The following DYRK1A variants were observed in gnomAD, a reference collection of about 807,000 sequenced individuals.
DYRK1A encodes dual specificity tyrosine-phosphorylation-regulated kinase 1A.
DYRK1A carries 9 observed loss-of-function variants against 79.7 expected under a neutral mutation model. The observed-to-expected ratio is 0.11, with a 90% CI of 0.07 to 0.20. The LOEUF (loss-of-function observed/expected upper bound fraction) is 0.20. Ranked by LOEUF, DYRK1A falls within the 10% of genes least tolerant of loss-of-function variation. The pLI, the probability that DYRK1A is intolerant of heterozygous loss-of-function variation, is 1.00. For synonymous variants in DYRK1A, 349 were observed against 329.7 expected (o/e 1.06, Z -0.63); for missense variants, 622 against 956.0 (o/e 0.65, Z 4.61).
Position 37,512,634 on chromosome 21 carries a change from C to G in DYRK1A, c.*103C>G. On this transcript the variant is annotated 3_prime_UTR_variant, in exon 12 of 12. Coordinates refer to ENST00000647188, the MANE Select transcript of DYRK1A (RefSeq NM_001347721.2). The stretch of plus-strand genomic sequence containing the variant: ...TGCTTGAATCAGGAGGAGATTAACA[C>G]ACTGAACCGCTACAAGAGGGCAAAG... 7.4e-7 allele frequency: 1 copy of G among 1,346,612 alleles called. No homozygotes were observed. The highest frequency in any genetic ancestry group is 1.4e-5 in the South Asian group (1 of 70,670). 83.4% of individuals were successfully genotyped at this position (1,346,612 alleles called of 1,614,324 possible). A position where few individuals can be genotyped will look rare whatever the true frequency, so the allele number is the denominator to read the frequency against.
intron 1 of DYRK1A, chr21:37,368,059 C>G (rs1402995605): frequency 6.5e-6 from 1 of 152,794 alleles, no homozygotes; most frequent in African/African-American, 2.4e-5. Flanking sequence ...GGACAATGCA[C>G]GGGTTAAGAA....
Position 37,512,033 on chromosome 21 carries a change from G to GCAT in DYRK1A, c.1773_1775dup (p.His593dup). On this transcript the variant is annotated inframe_insertion, in exon 12 of 12. Transcript: ENST00000647188. ...ATGTAGCCCCTCAACAGAATGCATT[G>GCAT]CATCATCACCATGGTAACAGTTCCC... The GCAT allele has an allele frequency of 1.2e-6, 2 of 1,613,998 alleles. No individual in the cohort carries two copies. Among genetic ancestry groups the GCAT allele is most frequent in the Non-Finnish European group, 1.7e-6 (2 of 1,179,986 alleles).
intron 2 of DYRK1A, among the ~76,000 whole-genome samples, chr21:37,463,284 A>C (rs1307329305): frequency 6.6e-6 from 1 of 151,292 alleles, no homozygotes; most frequent in Non-Finnish European, 1.5e-5. Flanking sequence ...AAAGCAGTTC[A>C]TTTGTTCTTA....
At chr21:37,400,640 A>G (rs986643289) in intron 1 of DYRK1A, among the ~76,000 whole-genome samples, 9 of 152,138 alleles carry the variant, frequency 5.9e-5, no homozygotes, top group African/African-American at 1.4e-4. Flanking sequence ...TAAATAATGG[A>G]AGTTATTGTT....
chr21:37,450,565 G>C (rs1009694921), intron 2 of DYRK1A, among the ~76,000 whole-genome samples: 1 of 152,130 alleles, frequency 6.6e-6, no homozygotes, highest in Non-Finnish European at 1.5e-5. Context: ...TCACACCCTT[G>C]CCTTCCTATA....
At chr21:37,489,452 T>A (rs1211187558) in intron 6 of DYRK1A, among the ~76,000 whole-genome samples, 3 of 152,180 alleles carry the variant, frequency 2.0e-5, no homozygotes, top group Non-Finnish European at 2.9e-5. Flanking sequence ...TATTCTATGC[T>A]GTTTCCCCAC....
At chr21:37,374,195 C>G (rs2049490193) in intron 1 of DYRK1A, among the ~76,000 whole-genome samples, 1 of 151,794 alleles carries the variant, frequency 6.6e-6, no homozygotes, top group African/African-American at 2.4e-5. Context: ...GTTAATAGTC[C>G]ACTGGACCAA....
rs1456186292 is a variant in DYRK1A, at chr21:37,519,175, G to A, written c.*6644G>A. The A allele has an allele frequency of 6.6e-6, 1 of 152,144 alleles. No individual in the cohort carries two copies. Among genetic ancestry groups the A allele is most frequent in the African/African-American group, 2.4e-5 (1 of 41,420 alleles). 9.4% of individuals were successfully genotyped at this position (152,144 alleles called of 1,614,324 possible). The stretch of plus-strand genomic sequence containing the variant: ...ATGGCACATGTTATTTCCCAACAGT[G>A]GGAATGGAATTAGTTCCTTTATATC... On this transcript the variant is annotated 3_prime_UTR_variant, in exon 12 of 12. Coordinates refer to ENST00000647188, the MANE Select transcript of DYRK1A (RefSeq NM_001347721.2).
chr21:37,458,722 C>T (rs1209568349), intron 2 of DYRK1A, among the ~76,000 whole-genome samples: 3 of 152,142 alleles, frequency 2.0e-5, no homozygotes, highest in East Asian at 3.8e-4. Context: ...TCTCGTTTTA[C>T]CTGTTTTGTA....
chr21:37,501,202 C>T (rs1443735755), intron 9 of DYRK1A: 16 of 122,692 alleles, frequency 1.3e-4, no homozygotes, highest in South Asian at 4.8e-4. Context: ...GACGGAGTCT[C>T]GCTCTGTTGC....
intron 5 of DYRK1A, among the ~76,000 whole-genome samples, chr21:37,484,301 C>T (rs1348619745): frequency 6.6e-6 from 1 of 151,116 alleles, no homozygotes; most frequent in Non-Finnish European, 1.5e-5. Context: ...ACTTCACTAA[C>T]GTTTGGGCAG....
rs962836960 is a variant in DYRK1A, at chr21:37,519,862, C to T, written c.*7331C>T. On this transcript the variant is annotated 3_prime_UTR_variant, in exon 12 of 12. Coordinates refer to ENST00000647188, the MANE Select transcript of DYRK1A (RefSeq NM_001347721.2). ...GTTCACGCCATTCGCCTGCCTCAGC[C>T]TCCAGAGTAGCTGGGACTACTGGCG... 6.6e-6 allele frequency: 1 copy of T among 151,778 alleles called. No individual in the cohort carries two copies. The highest frequency in any genetic ancestry group is 6.6e-5 in the Admixed American group (1 of 15,210). The allele number at this position is 151,778 out of a possible 1,614,324, so 9.4% of individuals were successfully genotyped here.
intron 2 of DYRK1A, 62 bp downstream of exon 2, chr21:37,420,446 A>C (rs533868652): frequency 6.4e-7 from 1 of 1,551,696 alleles, no homozygotes. Context: ...TCGATGGTCT[A>C]TTTTGAATGG....
intron 1 of DYRK1A, among the ~76,000 whole-genome samples, chr21:37,387,493 G>A (rs887391889): frequency 6.6e-6 from 1 of 152,150 alleles, no homozygotes; most frequent in Non-Finnish European, 1.5e-5. Context: ...ACTCAATGTA[G>A]TTTTTGGTAT....
chr21:37,506,981 T>C (rs2053615979), intron 11 of DYRK1A, among the ~76,000 whole-genome samples: 1 of 152,230 alleles, frequency 6.6e-6, no homozygotes, highest in African/African-American at 2.4e-5. Context: ...CAACCTCTGC[T>C]GGGCAGTCTT....
At chr21:37,366,497 C>T (rs1270398104), upstream of DYRK1A, among the ~76,000 whole-genome samples, 2 of 149,998 alleles carry the variant, frequency 1.3e-5, no homozygotes, top group Admixed American at 1.3e-4. Context: ...CCCCTACCCT[C>T]CCTCGGCCTA....
chr21:37,450,272 C>G (rs923576012), intron 2 of DYRK1A, among the ~76,000 whole-genome samples: 1 of 152,124 alleles, frequency 6.6e-6, no homozygotes, highest in Non-Finnish European at 1.5e-5. Context: ...TTTTTGCCTT[C>G]CATGATTCTC....
intron 7 of DYRK1A, among the ~76,000 whole-genome samples, chr21:37,491,806 A>G (rs773192511): frequency 2.0e-5 from 3 of 152,196 alleles, no homozygotes; most frequent in African/African-American, 7.2e-5. Context: ...CAAATTATGT[A>G]TTTTGTCCTA....
At chr21:37,446,116 T>C (rs1184624574) in intron 2 of DYRK1A, among the ~76,000 whole-genome samples, 1 of 152,206 alleles carries the variant, frequency 6.6e-6, no homozygotes, top group Non-Finnish European at 1.5e-5. Flanking sequence ...GGAAAATGTA[T>C]TGGAAAATCC....
Sources: allele counts gnomAD v4.1 joint callset (sites outside exome capture counted in the v4.1 genomes callset), GRCh38; gene constraint gnomAD v4.1.1; transcripts MANE v1.5; gene names NCBI Gene and HGNC (gene_info 2026-07-23, HGNC 2026-07-21).